Variants in PCDHGB2 observed in about 807,000 individuals in gnomAD.
PCDHGB2 encodes the protein protocadherin gamma subfamily B, 2.
In PCDHGB2, 55 loss-of-function variants were observed where a neutral mutation model predicts 59.3. The ratio of observed to expected loss-of-function variants is 0.93; its 90% CI spans 0.75 to 1.16. PCDHGB2 has a LOEUF of 1.16. Among genes scored for constraint, PCDHGB2 ranks in the 50% most tolerant of loss-of-function variants. The probability of loss-of-function intolerance (pLI) is 0.00; values close to 1 mark genes in which losing one functional copy is unlikely to be tolerated. For missense variants in PCDHGB2, 1,228 were observed against 1,198.5 expected, an observed-to-expected ratio of 1.02 and a Z score of -0.36; for synonymous variants, 516 against 512.0, an observed-to-expected ratio of 1.01 and a Z score of -0.11.
chr5:141,372,410 A>G (rs764498768), intron 1 of PCDHGB2: 2 of 1,613,980 alleles, frequency 1.2e-6, no homozygotes, highest in African/African-American at 2.7e-5. Flanking sequence ...AAGAGATACA[A>G]CCTGACCTTA....
rs3074545 is a variant in PCDHGB2, at chr5:141,482,530, C to CAAAAAAA, written c.2422-12264_2422-12258dup. On this transcript the variant is annotated intron_variant, in intron 1 of 3. Coordinates refer to ENST00000522605, the MANE Select transcript of PCDHGB2 (RefSeq NM_018923.3). ...CAGAGTACAGTATGAGACAGACATG[C>CAAAAAAA]AAAAAAAAAAAAAAAAAAAGATAAT... Among the ~76,000 whole-genome samples the CAAAAAAA allele has an allele frequency of 6.5e-4, 50 of 76,534 alleles. 2 individuals are homozygous for CAAAAAAA. The highest frequency in any genetic ancestry group is 1.7e-3 in the African/African-American group (35 of 20,860). 50.2% of individuals were successfully genotyped at this position (76,534 alleles called of 152,430 possible).
intron 1 of PCDHGB2, chr5:141,389,400 AGCGC>A (rs2150385005): frequency 1.2e-6 from 2 of 1,613,622 alleles, no homozygotes; most frequent in African/African-American, 2.7e-5. Flanking sequence ...CGTGTCCATA[AGCGC>A]GGAGAGCGGG....
intron 1 of PCDHGB2, among the ~76,000 whole-genome samples, chr5:141,454,204 T>G (rs1161344350): frequency 3.3e-5 from 5 of 152,170 alleles, no homozygotes; most frequent in Non-Finnish European, 1.5e-5. Context: ...GTGAATTTAT[T>G]GACATGAATG....
Position 141,511,267 on chromosome 5 carries a change from C to T in PCDHGB2, c.*94C>T, listed in dbSNP as rs1223074819. 1.3e-6 allele frequency: 2 copies of T among 1,549,404 alleles called. No homozygotes were observed. Among genetic ancestry groups the T allele is most frequent in the Non-Finnish European group, 1.7e-6 (2 of 1,146,836 alleles). On this transcript the variant is annotated 3_prime_UTR_variant, in exon 4 of 4. Transcript: ENST00000522605. ...CCAGGCCTCAGAGTTTCAGGGCTAA[C>T]CCCCAGAATACTGGTAGGGGCCAAG...
rs757825548 is a variant in PCDHGB2, at chr5:141,361,696, G to C, written c.1561G>C (p.Asp521His). 9.3e-6 allele frequency: 15 copies of C among 1,613,466 alleles called. No individual in the cohort carries two copies. In the Admixed American group the frequency reaches 1.0e-4, roughly 11 times the overall value. ...GGTGGTGTTCGCGCAGCGCGCCTTC[G>C]ATCATGAGCAGCTGCGCGCCTTCGA... ...SGVVFAQRAF[D>H]HEQLRAFELT... The change falls in exon 1 of 4, where the codon GAT (aspartate) becomes CAT (histidine). Residue 521 changes from aspartate to histidine, a missense_variant. Physicochemically the swap from Asp to His is moderately conservative, Grantham distance 81. This residue lies in a region of PCDHGB2 where 781 missense variants were observed against 721.6 expected (regional missense o/e 1.08). Transcript: ENST00000522605.
rs1342517284 is a variant in PCDHGB2 at position 141,383,674 on chromosome 5, A to G, written c.2421+21118A>G. ...TGTCCCCGAGAATGTGCCAGTGGGT[A>G]CAAGACTGCTCACGGTACATGCTAT... On this transcript the variant is annotated intron_variant, in intron 1 of 3. Coordinates refer to ENST00000522605, the MANE Select transcript of PCDHGB2 (RefSeq NM_018923.3). 9.3e-6 allele frequency: 15 copies of G among 1,614,034 alleles called. No individual in the cohort carries two copies. The East Asian group carries it at 3.3e-4, about 36-fold the overall frequency.
chr5:141,491,168 A>G lies in PCDHGB2; in HGVS notation c.2422-3639A>G. On this transcript the variant is annotated intron_variant, in intron 1 of 3. Coordinates refer to ENST00000522605, the MANE Select transcript of PCDHGB2 (RefSeq NM_018923.3). The surrounding 1 kb of genome is among the most constrained non-coding windows in gnomAD (Gnocchi z 6.9). Reference sequence around the variant, plus strand: ...CTGGAGGATGACTCTGACACCCAGCAGGTGGTGGTCCTGGTGAGGGACAAT... The same window carrying G: ...CTGGAGGATGACTCTGACACCCAGCGGGTGGTGGTCCTGGTGAGGGACAAT... 2 of 1,614,160 alleles carry G rather than the reference A, an allele frequency of 1.2e-6. No homozygotes were observed.
intron 1 of PCDHGB2, chr5:141,413,709 C>T (rs998398149): frequency 2.4e-5 from 39 of 1,613,536 alleles, no homozygotes; most frequent in Non-Finnish European, 3.3e-5. Flanking sequence ...AGCTCAGCCC[C>T]AATAAGCACT....
intron 1 of PCDHGB2, chr5:141,421,916 G>A (rs754653877): frequency 2.5e-6 from 4 of 1,613,646 alleles, no homozygotes; most frequent in Non-Finnish European, 2.5e-6. Flanking sequence ...GTTCCCATTC[G>A]TGTGGTGGTC....
chr5:141,430,926 C>A (rs145535410), intron 1 of PCDHGB2: 4 of 1,607,308 alleles, frequency 2.5e-6, no homozygotes, highest in African/African-American at 1.3e-5. Context: ...GGGCTGGAGC[C>A]CCGGGAGCTC....
At chr5:141,479,186 T>A (rs956575218) in intron 1 of PCDHGB2, 1 of 152,590 alleles carries the variant, frequency 6.6e-6, no homozygotes, top group Non-Finnish European at 1.5e-5. Flanking sequence ...GCTAGAAAAT[T>A]CAGAAAATAC....
At position 141,360,753 on chromosome 5, in the gene PCDHGB2, T is replaced by G. The variant is rs1761729946; in HGVS notation, c.618T>G (p.Ser206Arg). 1 of 1,613,848 alleles carries G rather than the reference T, an allele frequency of 6.2e-7. No individual in the cohort carries two copies. Among genetic ancestry groups the G allele is most frequent in the Non-Finnish European group, 8.5e-7 (1 of 1,179,866 alleles). Residue 206 changes from serine to arginine, a missense_variant, in exon 1 of 4, where the codon AGT (serine) becomes AGG (arginine). Physicochemically the swap from Ser to Arg is moderately radical, Grantham distance 110. Transcript: ENST00000522605. ...ACTCTCTGGACAGAGAAGAGCACAG[T>G]TTACATCAATTGGTCCTCACAGCTG... ...LKHSLDREEH[S>R]LHQLVLTAVD...
intron 1 of PCDHGB2, chr5:141,415,448 C>T (rs2095870056): frequency 6.2e-7 from 1 of 1,614,052 alleles, no homozygotes; most frequent in African/African-American, 1.3e-5. Flanking sequence ...CAGACCTATT[C>T]CCACGAGGTC....
chr5:141,481,066 A>G (rs1366968394), intron 1 of PCDHGB2, among the ~76,000 whole-genome samples: 1 of 152,156 alleles, frequency 6.6e-6, no homozygotes, highest in Non-Finnish European at 1.5e-5. Flanking sequence ...TCAAAAACAA[A>G]AAGAAAGAAA....
chr5:141,471,036 C>A (rs1437409726), intron 1 of PCDHGB2, among the ~76,000 whole-genome samples: 1 of 144,908 alleles, frequency 6.9e-6, no homozygotes, highest in Admixed American at 7.0e-5. Context: ...TATTAACAAG[C>A]CCAAGCCCTC....
intron 3 of PCDHGB2, 118 bp downstream of exon 3, chr5:141,505,599 G>A (rs936757644): frequency 1.5e-5 from 23 of 1,555,468 alleles, no homozygotes; most frequent in South Asian, 2.4e-5. Flanking sequence ...CAGATCTTTC[G>A]GCAGGTCTGA....
intron 1 of PCDHGB2, chr5:141,364,348 G>A: frequency 6.5e-7 from 1 of 1,544,604 alleles, no homozygotes; most frequent in Non-Finnish European, 8.7e-7. Context: ...GTCCACCTAG[G>A]GGCTGGGGCT....
intron 1 of PCDHGB2, chr5:141,427,435 T>C (rs536693959): frequency 2.1e-6 from 1 of 474,160 alleles, no homozygotes; most frequent in African/African-American, 2.0e-5. Flanking sequence ...ACATGCCTCA[T>C]AAACGAAAGA....
chr5:141,371,249 C>A, intron 1 of PCDHGB2: 1 of 1,613,988 alleles, frequency 6.2e-7, no homozygotes, highest in Admixed American at 1.7e-5. Flanking sequence ...TCAATATTGG[C>A]AAGGAAGTGA....
Sources: gnomAD v4.1 joint callset for allele counts (sites outside exome capture counted in the v4.1 genomes callset) on GRCh38, gnomAD v4.1.1 for gene constraint, gnomAD v4.1.1 regional missense constraint, Gnocchi (gnomAD v3.1) non-coding constraint, MANE v1.5 for transcripts, NCBI Gene and HGNC (gene_info 2026-07-23, HGNC 2026-07-21) for gene names.